SUPT3H: variants seen among roughly 807,000 people sequenced by gnomAD.
SUPT3H encodes transcription initiation protein SPT3 homolog.
SUPT3H carries 44 observed loss-of-function variants against 44.3 expected under a neutral mutation model. The ratio of observed to expected loss-of-function variants is 0.99; its 90% CI spans 0.78 to 1.28. The LOEUF (loss-of-function observed/expected upper bound fraction) is 1.28. SUPT3H is among the 50% of genes most tolerant of loss of function. The pLI is 0.00. For synonymous variants in SUPT3H, 124 were observed against 125.6 expected, an observed-to-expected ratio of 0.99 and a Z score of 0.09; for missense variants, 380 against 387.1, an observed-to-expected ratio of 0.98 and a Z score of 0.15.
chr6:45,298,290 A>G (rs1026592585), intron 2 of SUPT3H, among the ~76,000 whole-genome samples: 12 of 152,354 alleles, frequency 7.9e-5, no homozygotes, highest in Admixed American at 2.6e-4. Context: ...CATTTTAGCA[A>G]TGTGCATGAA....
intron 2 of SUPT3H, among the ~76,000 whole-genome samples, chr6:45,187,415 CAA>C (rs70996309): frequency 6.8e-6 from 1 of 146,426 alleles, no homozygotes. Context: ...AACTCCGTTT[CAA>C]AAAAAAAAAA....
At position 44,828,652 on chromosome 6, in the gene SUPT3H, T is replaced by C. The variant is rs1768072319; in HGVS notation, c.*1164A>G. 1 of 152,138 alleles carries C rather than the reference T, an allele frequency of 6.6e-6. No homozygotes were observed. The highest frequency in any genetic ancestry group is 2.1e-4 in the South Asian group (1 of 4,830). The allele number at this position is 152,138 out of a possible 1,614,324, so 9.4% of individuals were successfully genotyped here. A position where few individuals can be genotyped will look rare whatever the true frequency, so the allele number is the denominator to read the frequency against. ...GAACTATTTCTACTTTCTTTACCCT[T>C]AAATCTAGGAAGCAGTATCAAGAGA... On this transcript the variant is annotated 3_prime_UTR_variant, in exon 11 of 11. Transcript: ENST00000371459.
intron 2 of SUPT3H, among the ~76,000 whole-genome samples, chr6:45,338,180 G>A (rs1192581017): frequency 6.6e-6 from 1 of 152,022 alleles, no homozygotes; most frequent in Non-Finnish European, 1.5e-5. Flanking sequence ...GCTAATGCCT[G>A]TATTAGGTAT....
chr6:44,815,506 C>T (rs888860800), intron 11 of SUPT3H, among the ~76,000 whole-genome samples: 1 of 152,010 alleles, frequency 6.6e-6, no homozygotes, highest in South Asian at 2.1e-4. Flanking sequence ...AATATAAGTA[C>T]TGAAGAAAGA....
intron 2 of SUPT3H, among the ~76,000 whole-genome samples, chr6:45,176,754 T>G (rs1170687774): frequency 6.6e-6 from 1 of 152,188 alleles, no homozygotes; most frequent in East Asian, 1.9e-4. Flanking sequence ...CCTCCTCAAG[T>G]GGGTCCCTGA....
intron 11 of SUPT3H, among the ~76,000 whole-genome samples, chr6:44,816,628 G>A (rs1057437068): frequency 1.7e-4 from 26 of 152,050 alleles, no homozygotes; most frequent in Non-Finnish European, 2.9e-5. Flanking sequence ...GAAGCAGCAG[G>A]CCCAAACTCA....
At chr6:45,015,634 C>T (rs1009975243) in intron 4 of SUPT3H, among the ~76,000 whole-genome samples, 10 of 152,058 alleles carry the variant, frequency 6.6e-5, no homozygotes, top group Non-Finnish European at 1.0e-4. Context: ...TTAAAAAATA[C>T]TTCACTCTTA....
intron 10 of SUPT3H, among the ~76,000 whole-genome samples, chr6:44,896,347 A>C: frequency 6.6e-6 from 1 of 152,156 alleles, no homozygotes; most frequent in African/African-American, 2.4e-5. Flanking sequence ...AATACATCGC[A>C]AGTAATGTTC....
chr6:44,841,094 C>T (rs1438320777), intron 10 of SUPT3H, among the ~76,000 whole-genome samples: 2 of 152,202 alleles, frequency 1.3e-5, no homozygotes, highest in Non-Finnish European at 2.9e-5. Flanking sequence ...GAAGCAGATG[C>T]TGCCATGCTT....
intron 6 of SUPT3H, among the ~76,000 whole-genome samples, chr6:44,986,879 G>A (rs1400084980): frequency 2.6e-5 from 4 of 152,064 alleles, no homozygotes; most frequent in Non-Finnish European, 5.9e-5. Context: ...GATGATAAGT[G>A]CCATGAATAA....
At position 45,212,059 on chromosome 6, in the gene SUPT3H, T is replaced by C. The variant is rs538387523; in HGVS notation, c.102-106053A>G. On this transcript the variant is annotated intron_variant, in intron 2 of 10. Coordinates refer to ENST00000371459, the MANE Select transcript of SUPT3H (RefSeq NM_003599.4). ...TGCATGCCTGTATTACCAGCTACTCTGGATGCTGAGATGAGAGAATTCCTT... is the reference window on the plus strand; with the variant it reads ...TGCATGCCTGTATTACCAGCTACTCCGGATGCTGAGATGAGAGAATTCCTT... Among the ~76,000 whole-genome samples the C allele has an allele frequency of 4.0e-5, 6 of 150,882 alleles. No homozygotes were observed. In the East Asian group the frequency reaches 1.2e-3, roughly 30 times the overall value.
chr6:45,330,295 A>G (rs926324747), intron 2 of SUPT3H, among the ~76,000 whole-genome samples: 2 of 151,954 alleles, frequency 1.3e-5, no homozygotes, highest in Admixed American at 1.3e-4. Context: ...GCTAGACTAC[A>G]TTACAACACA....
At chr6:45,331,744 T>C (rs947033442) in intron 2 of SUPT3H, among the ~76,000 whole-genome samples, 10 of 151,952 alleles carry the variant, frequency 6.6e-5, no homozygotes, top group Non-Finnish European at 1.5e-4. Flanking sequence ...TCCTGATCAA[T>C]CCGTCTCTAT....
At chr6:45,340,302 A>G (rs1789485679) in intron 2 of SUPT3H, among the ~76,000 whole-genome samples, 1 of 152,120 alleles carries the variant, frequency 6.6e-6, no homozygotes, top group South Asian at 2.1e-4. Flanking sequence ...ATATCAAGGA[A>G]TAAGATTAAG....
Position 45,348,445 on chromosome 6 carries a change from T to C in SUPT3H, c.101+16756A>G, listed in dbSNP as rs112809656. Reference sequence around the variant, plus strand: ...ACTTTGGGAGGCCGAGGTAGAAGGCTCACTTGAGGTCTAGAGTTCCAGACC... The same window carrying C: ...ACTTTGGGAGGCCGAGGTAGAAGGCCCACTTGAGGTCTAGAGTTCCAGACC... On this transcript the variant is annotated intron_variant, in intron 2 of 10. Transcript: ENST00000371459. Among the ~76,000 whole-genome samples, 801 of 148,526 alleles carry C rather than the reference T, an allele frequency of 5.4e-3. 11 individuals are homozygous for C. Among genetic ancestry groups the C allele is most frequent in the African/African-American group, 0.019 (771 of 39,952 alleles).
At chr6:45,176,163 C>T (rs1811783543) in intron 2 of SUPT3H, among the ~76,000 whole-genome samples, 1 of 151,742 alleles carries the variant, frequency 6.6e-6, no homozygotes, top group African/African-American at 2.4e-5. Flanking sequence ...ATCTGAGGTA[C>T]TGGGTTCATC....
intron 10 of SUPT3H, among the ~76,000 whole-genome samples, chr6:44,922,064 A>G (rs1220968077): frequency 6.6e-6 from 1 of 152,248 alleles, no homozygotes; most frequent in African/African-American, 2.4e-5. Context: ...GGGAGAACCT[A>G]TCCAGGTGCC....
At position 44,966,957 on chromosome 6, in the gene SUPT3H, G is replaced by A. The variant is rs1223402010; in HGVS notation, c.505-5129C>T. Among the ~76,000 whole-genome samples the A allele has an allele frequency of 2.0e-5, 3 of 152,120 alleles. No homozygotes were observed. In the East Asian group the frequency reaches 5.8e-4, roughly 29 times the overall value. On this transcript the variant is annotated intron_variant, in intron 6 of 10. Coordinates refer to ENST00000371459, the MANE Select transcript of SUPT3H (RefSeq NM_003599.4). ...TCATCTTTGGATTAGTCATACTCTT[G>A]TATCTGCAAGTCCAGTATGTCTTCT... is the stretch of plus-strand genomic sequence containing the variant.
At chr6:45,043,903 C>T (rs1172087161) in intron 3 of SUPT3H, among the ~76,000 whole-genome samples, 1 of 152,120 alleles carries the variant, frequency 6.6e-6, no homozygotes, top group Non-Finnish European at 1.5e-5. Context: ...TCAGGGCTTT[C>T]AAGAACCCCT....
Sources: allele counts gnomAD v4.1 joint callset (sites outside exome capture counted in the v4.1 genomes callset), GRCh38; gene constraint gnomAD v4.1.1; transcripts MANE v1.5; gene names NCBI Gene and HGNC (gene_info 2026-07-23, HGNC 2026-07-21).